RILP: variants seen among roughly 807,000 people sequenced by gnomAD.
The protein encoded by RILP is Rab interacting lysosomal protein.
In RILP, 53 loss-of-function variants were observed where a neutral mutation model predicts 40.0. The observed-to-expected ratio is 1.32, with a 90% confidence interval of 1.06 to 1.66. RILP has a LOEUF of 1.66. Among genes scored for constraint, RILP ranks in the 40% most tolerant of loss-of-function variants. RILP has a pLI of 0.00. For missense variants in RILP, 626 were observed against 551.7 expected (o/e 1.13, Z -1.35); for synonymous variants, 272 against 250.6 (o/e 1.09, Z -0.80).
At chr17:1,647,748 G>A (rs1910699342) in intron 6 of RILP, 87 bp downstream of exon 6, 1 of 1,529,312 alleles carries the variant, frequency 6.5e-7, no homozygotes, top group African/African-American at 1.4e-5. Flanking sequence ...GAGACAATGG[G>A]CTCAGAGGGT....
intron 6 of RILP, among the ~76,000 whole-genome samples, 168 bp from the exon 7 acceptor site, chr17:1,647,157 T>G (rs1339278450): frequency 6.6e-6 from 1 of 151,846 alleles, no homozygotes; most frequent in Non-Finnish European, 1.5e-5. Flanking sequence ...TTTTTTTTTT[T>G]GAGACAGGGT....
At chr17:1,647,647 G>A (rs1185052134) in intron 6 of RILP, among the ~76,000 whole-genome samples, 188 bp downstream of exon 6, 1 of 152,158 alleles carries the variant, frequency 6.6e-6, no homozygotes, top group African/African-American at 2.4e-5. Context: ...CAGCGGCCAT[G>A]GGACACAGCC....
Position 1,646,711 on chromosome 17 carries a change from G to A in RILP, c.1029-92C>T. 7.3e-7 allele frequency: 1 copy of A among 1,372,980 alleles called. No homozygotes were observed. Among genetic ancestry groups the A allele is most frequent in the Non-Finnish European group, 9.9e-7 (1 of 1,006,220 alleles). The allele number at this position is 1,372,980 out of a possible 1,614,324, so 85.0% of individuals were successfully genotyped here. A position where few individuals can be genotyped will look rare whatever the true frequency, so the allele number is the denominator to read the frequency against. On this transcript the variant is annotated intron_variant, in intron 7 of 7. Coordinates refer to ENST00000301336, the MANE Select transcript of RILP (RefSeq NM_031430.3). This position sits in a 1 kb window ranked among gnomAD's most constrained non-coding sequence, Gnocchi z 4.3. ...CAGGGGATGGTGAGAAAAGGGGAGAGGGGGAAGAAAGGGCAGCCTGAGGGA... is the reference window on the plus strand; with the variant it reads ...CAGGGGATGGTGAGAAAAGGGGAGAAGGGGAAGAAAGGGCAGCCTGAGGGA...
chr17:1,649,289 G>T lies in RILP; in HGVS notation c.340C>A (p.Arg114=), dbSNP rs780898696. 6.7e-7 allele frequency: 1 copy of T among 1,502,898 alleles called. No homozygotes were observed. Among genetic ancestry groups the T allele is most frequent in the Non-Finnish European group, 8.8e-7 (1 of 1,132,850 alleles). The allele number at this position is 1,502,898 out of a possible 1,614,324, so 93.1% of individuals were successfully genotyped here. A position where few individuals can be genotyped will look rare whatever the true frequency, so the allele number is the denominator to read the frequency against. Reference sequence around the variant, plus strand: ...CGGTCCGTGACCTCCTTGAGCTGCCGCAGCAGCGCGCGCTCCTCTGAGGAA... The same window carrying T: ...CGGTCCGTGACCTCCTTGAGCTGCCTCAGCAGCGCGCGCTCCTCTGAGGAA... ...AGPQEERALL[R]QLKEVTDRQR... is the part of the protein sequence containing the mutation. Residue 114 remains arginine (R), a synonymous_variant, in exon 3 of 8, where the codon CGG becomes AGG. Transcript: ENST00000301336. The surrounding 1 kb of genome is among the most constrained non-coding windows in gnomAD (Gnocchi z 4.3).
At position 1,646,920 on chromosome 17, in the gene RILP, G is replaced by A; in HGVS notation, c.1014C>T (p.Ser338=). 1 of 1,604,544 alleles carries A rather than the reference G, an allele frequency of 6.2e-7. No homozygotes were observed. Among genetic ancestry groups the A allele is most frequent in the South Asian group, 1.1e-5 (1 of 89,660 alleles). Residue 338 remains serine (S), a synonymous_variant, in exon 7 of 8, where the codon TCC becomes TCT. Transcript: ENST00000301336. This position sits in a 1 kb window ranked among gnomAD's most constrained non-coding sequence, Gnocchi z 4.3. ...CCCCAACATACAAACTCTGTATTTT[G>A]GACTCCGGGGGTGGGGGATGGTCTC... The part of the protein sequence containing the change: ...DKGDHPPPPE[S]KIQSFFGLWY...
rs2151106213 is a variant in RILP at position 1,648,941 on chromosome 17, T to G, written c.533A>C (p.Glu178Ala). 2 of 1,520,176 alleles carry G rather than the reference T, an allele frequency of 1.3e-6. No individual in the cohort carries two copies. The highest frequency in any genetic ancestry group is 2.4e-5 in the South Asian group (2 of 82,258). 94.2% of individuals were successfully genotyped at this position (1,520,176 alleles called of 1,614,324 possible). A position where few individuals can be genotyped will look rare whatever the true frequency, so the allele number is the denominator to read the frequency against. Residue 178 changes from glutamate to alanine, a missense_variant, in exon 4 of 8, where the codon GAG becomes GCG. By Grantham distance (107) the Glu-to-Ala change is moderately radical. Transcript: ENST00000301336. The surrounding 1 kb of genome is among the most constrained non-coding windows in gnomAD (Gnocchi z 4.9). The part of the protein sequence containing the change: ...QLRAAQDRER[E>A]RQQPGEAATP... ...CGCGGCTTCGCCAGGCTGCTGGCGC[T>G]CCCTCTCGCGGTCCTGCGCGGCGCG... is the stretch of plus-strand genomic sequence containing the variant.
At chr17:1,647,081 G>A in intron 6 of RILP, 92 bp from the exon 7 acceptor site, 1 of 756,644 alleles carries the variant, frequency 1.3e-6, no homozygotes, top group South Asian at 2.4e-5. Context: ...GGACTGCAGG[G>A]CCCCCGGGGC....
Position 1,648,665 on chromosome 17 carries a change from G to A in RILP, c.675+134C>T. ...CTGAGAGCGGGGGCCGAGGCCGGCC[G>A]GGGGCGCAGATCTGTCTGCCACCTC... On this transcript the variant is annotated intron_variant, in intron 4 of 7. Transcript: ENST00000301336. The surrounding 1 kb of genome is among the most constrained non-coding windows in gnomAD (Gnocchi z 4.9). 1.4e-6 allele frequency: 2 copies of A among 1,401,306 alleles called. No individual in the cohort carries two copies. The highest frequency in any genetic ancestry group is 1.9e-6 in the Non-Finnish European group (2 of 1,067,188). The allele number at this position is 1,401,306 out of a possible 1,614,324, so 86.8% of individuals were successfully genotyped here.
intron 6 of RILP, 21 bp from the exon 7 acceptor site, chr17:1,647,010 G>A (rs1189279132): frequency 1.3e-6 from 2 of 1,536,820 alleles, no homozygotes; most frequent in South Asian, 2.4e-5. Context: ...GGAGAGAGGA[G>A]AAGTGAGGGC....
Position 1,646,982 on chromosome 17 carries a change from C to T in RILP, c.952G>A (p.Glu318Lys). The T allele has an allele frequency of 6.2e-7, 1 of 1,605,792 alleles. No homozygotes were observed. Among genetic ancestry groups the T allele is most frequent in the Non-Finnish European group, 8.5e-7 (1 of 1,175,594 alleles). ...GAGAGCAGGATCCATGGGCCAGCCT[C>T]ATCCTCACTGAGACAGAGGAGAGAG... The part of the protein sequence containing the change: ...TPEEAESSED[E>K]AGPWILLSDD... The change falls in exon 7 of 8, where the codon GAG becomes AAG. Residue 318 changes from glutamate to lysine, a missense_variant. Coordinates refer to ENST00000301336, the MANE Select transcript of RILP (RefSeq NM_031430.3). The surrounding 1 kb of genome is among the most constrained non-coding windows in gnomAD (Gnocchi z 4.3).
At position 1,648,550 on chromosome 17, in the gene RILP, C is replaced by T; in HGVS notation, c.676-55G>A. On this transcript the variant is annotated intron_variant, in intron 4 of 7. Transcript: ENST00000301336. The surrounding 1 kb of genome is among the most constrained non-coding windows in gnomAD (Gnocchi z 4.9). ...CGCCTCGGCTGGCGTTCCCCCGCCCCAGGGCCATCATGGGAATGCTAGAGG... is the reference window on the plus strand; with the variant it reads ...CGCCTCGGCTGGCGTTCCCCCGCCCTAGGGCCATCATGGGAATGCTAGAGG... 1 of 1,592,170 alleles carries T rather than the reference C, an allele frequency of 6.3e-7. No homozygotes were observed. Among genetic ancestry groups the T allele is most frequent in the South Asian group, 1.1e-5 (1 of 89,220 alleles).
Position 1,649,577 on chromosome 17 carries a change from C to T in RILP, c.228G>A (p.Ser76=), listed in dbSNP as rs984832458. Residue 76 remains serine, a splice_region_variant and synonymous_variant, in exon 1 of 8, where the codon TCG becomes TCA. Coordinates refer to ENST00000301336, the MANE Select transcript of RILP (RefSeq NM_031430.3). The surrounding 1 kb of genome is among the most constrained non-coding windows in gnomAD (Gnocchi z 4.3). The part of the protein sequence containing the change: ...EQAAVGPAPD[S]LQVSAQPAEQ... Reference sequence around the variant, plus strand: ...TGGCGAAGGGAGGGCCATGACTCACCGAGTCCGGGGCGGGCCCCACGGCAG... The same window carrying T: ...TGGCGAAGGGAGGGCCATGACTCACTGAGTCCGGGGCGGGCCCCACGGCAG... 1.9e-6 allele frequency: 3 copies of T among 1,556,014 alleles called. No homozygotes were observed. Among genetic ancestry groups the T allele is most frequent in the Non-Finnish European group, 2.6e-6 (3 of 1,159,402 alleles).
At position 1,649,271 on chromosome 17, in the gene RILP, T is replaced by A. The variant is rs1910817755; in HGVS notation, c.358A>T (p.Thr120Ser). The A allele has an allele frequency of 6.7e-7, 1 of 1,499,398 alleles. No homozygotes were observed. The highest frequency in any genetic ancestry group is 8.8e-7 in the Non-Finnish European group (1 of 1,130,708). 92.9% of individuals were successfully genotyped at this position (1,499,398 alleles called of 1,614,324 possible). The change falls in exon 3 of 8, where the codon ACG becomes TCG. Residue 120 changes from threonine (T) to serine (S), a missense_variant. Coordinates refer to ENST00000301336, the MANE Select transcript of RILP (RefSeq NM_031430.3). The surrounding 1 kb of genome is among the most constrained non-coding windows in gnomAD (Gnocchi z 4.3). ...RALLRQLKEV[T>S]DRQRDELRAH... ...CGGAGTTCGTCCCGCTGTCGGTCCG[T>A]GACCTCCTTGAGCTGCCGCAGCAGC... is the stretch of plus-strand genomic sequence containing the variant.
chr17:1,647,922 A>G lies in RILP; in HGVS notation c.857T>C (p.Leu286Pro). ...GACAGCCACCTTCATGGCCTCGAGC[A>G]GAAGGCCGGGGACCCGGTGGTCTGT... ...LLTDHRVPGL[L>P]LEAMKVAVRK... The change falls in exon 6 of 8, where the codon CTG (leucine) becomes CCG (proline). Residue 286 changes from leucine (L) to proline (P), a missense_variant. Physicochemically the swap from Leu to Pro is moderately conservative, Grantham distance 98. Transcript: ENST00000301336. The G allele has an allele frequency of 1.2e-6, 2 of 1,614,136 alleles. No individual in the cohort carries two copies. The highest frequency in any genetic ancestry group is 1.1e-5 in the South Asian group (1 of 91,090).
At position 1,646,704 on chromosome 17, in the gene RILP, G is replaced by C; in HGVS notation, c.1029-85C>G. ...GTGAGGGCAGGGGATGGTGAGAAAAGGGGAGAGGGGGAAGAAAGGGCAGCC... is the reference window on the plus strand; with the variant it reads ...GTGAGGGCAGGGGATGGTGAGAAAACGGGAGAGGGGGAAGAAAGGGCAGCC... On this transcript the variant is annotated intron_variant, in intron 7 of 7. Transcript: ENST00000301336. The surrounding 1 kb of genome is among the most constrained non-coding windows in gnomAD (Gnocchi z 4.3). The C allele has an allele frequency of 7.2e-7, 1 of 1,387,128 alleles. No homozygotes were observed. Among genetic ancestry groups the C allele is most frequent in the Non-Finnish European group, 9.8e-7 (1 of 1,018,910 alleles). The allele number at this position is 1,387,128 out of a possible 1,614,324, so 85.9% of individuals were successfully genotyped here.
chr17:1,647,123 A>G (rs1910644015), intron 6 of RILP, 134 bp from the exon 7 acceptor site: 1 of 465,244 alleles, frequency 2.1e-6, no homozygotes, highest in African/African-American at 2.0e-5. Flanking sequence ...GAGATGCAGG[A>G]TGTCGAGCCT....
At position 1,649,173 on chromosome 17, in the gene RILP, C is replaced by T; in HGVS notation, c.429+27G>A. The T allele has an allele frequency of 7.9e-7, 1 of 1,257,924 alleles. No homozygotes were observed. The highest frequency in any genetic ancestry group is 1.0e-6 in the Non-Finnish European group (1 of 979,412). 77.9% of individuals were successfully genotyped at this position (1,257,924 alleles called of 1,614,324 possible). A position where few individuals can be genotyped will look rare whatever the true frequency, so the allele number is the denominator to read the frequency against. The stretch of plus-strand genomic sequence containing the variant: ...CGCCTGCCACGCTCCGCCCCCGCCC[C>T]GCCCCAGAGCCCCGCCCCGCCCTCA... On this transcript the variant is annotated intron_variant, in intron 3 of 7. Coordinates refer to ENST00000301336, the MANE Select transcript of RILP (RefSeq NM_031430.3). This position sits in a 1 kb window ranked among gnomAD's most constrained non-coding sequence, Gnocchi z 4.3.
rs369668901 is a variant in RILP at position 1,649,836 on chromosome 17, C to G, written c.-32G>C. 30 of 1,475,074 alleles carry G rather than the reference C, an allele frequency of 2.0e-5. No homozygotes were observed. The highest frequency in any genetic ancestry group is 1.5e-4 in the African/African-American group (11 of 71,344). 91.4% of individuals were successfully genotyped at this position (1,475,074 alleles called of 1,614,324 possible). A position where few individuals can be genotyped will look rare whatever the true frequency, so the allele number is the denominator to read the frequency against. On this transcript the variant is annotated 5_prime_UTR_variant, in exon 1 of 8. Transcript: ENST00000301336. The surrounding 1 kb of genome is among the most constrained non-coding windows in gnomAD (Gnocchi z 4.3). ...CAGAGGCTTAGGGCTGCGACCCCCC[C>G]ACCCCACCCTCCACTGGGACGGGGA...
At position 1,648,546 on chromosome 17, in the gene RILP, G is replaced by A. The variant is rs1910748870; in HGVS notation, c.676-51C>T. The A allele has an allele frequency of 3.1e-6, 5 of 1,593,746 alleles. No homozygotes were observed. Among genetic ancestry groups the A allele is most frequent in the South Asian group, 2.2e-5 (2 of 89,536 alleles). On this transcript the variant is annotated intron_variant, in intron 4 of 7. Transcript: ENST00000301336. This position sits in a 1 kb window ranked among gnomAD's most constrained non-coding sequence, Gnocchi z 4.9. ...GGGTCGCCTCGGCTGGCGTTCCCCC[G>A]CCCCAGGGCCATCATGGGAATGCTA...
Sources: allele counts gnomAD v4.1 joint callset (sites outside exome capture counted in the v4.1 genomes callset), GRCh38; gene constraint gnomAD v4.1.1; non-coding constraint Gnocchi (gnomAD v3.1); transcripts MANE v1.5; gene names NCBI Gene and HGNC (gene_info 2026-07-23, HGNC 2026-07-21).